The following CPED1 variants were observed in gnomAD, a reference collection of about 807,000 sequenced individuals.
CPED1 encodes cadherin like and PC-esterase domain containing 1, also known as cadherin-like and PC-esterase domain-containing protein 1.
A neutral mutation model predicts 128.2 loss-of-function variants in CPED1; 114 were observed. The observed-to-expected ratio is 0.89, with a 90% CI of 0.76 to 1.04. CPED1 has a LOEUF of 1.04. CPED1 is among the 50% of genes least tolerant of loss of function. The pLI, the probability that CPED1 is intolerant of heterozygous loss-of-function variation, is 0.00. For synonymous variants in CPED1, 462 were observed against 426.7 expected (o/e 1.08, Z -1.02); for missense variants, 1,211 against 1,207.1 (o/e 1.00, Z -0.05).
chr7:121,113,122 A>G (rs563791940), intron 7 of CPED1, among the ~76,000 whole-genome samples: 4 of 152,326 alleles, frequency 2.6e-5, no homozygotes, highest in South Asian at 2.1e-4. Flanking sequence ...TCTTGCATAT[A>G]TAAGTTTGTT....
chr7:121,027,919 T>A (rs1181729313), intron 3 of CPED1, among the ~76,000 whole-genome samples: 1 of 151,870 alleles, frequency 6.6e-6, no homozygotes, highest in Non-Finnish European at 1.5e-5. Context: ...CTTATCAGAG[T>A]CACTAAACAA....
intron 8 of CPED1, among the ~76,000 whole-genome samples, chr7:121,125,065 A>C (rs1795473136): frequency 6.6e-6 from 1 of 152,158 alleles, no homozygotes; most frequent in Non-Finnish European, 1.5e-5. Context: ...CTTCGTATTT[A>C]GGTTTCCATG....
rs149538208 is a variant in CPED1, at chr7:121,131,875, G to A, written c.1577+1581G>A. Among the ~76,000 whole-genome samples the A allele has an allele frequency of 3.5e-3, 536 of 151,556 alleles. 4 individuals carry two copies. The highest frequency in any genetic ancestry group is 0.01 in the Middle Eastern group (3 of 290). ...TTTGCTACATAGCATCTGATACGCTGTAGCACAGGTAGATAGTAAATATCA... is the reference window on the plus strand; with the variant it reads ...TTTGCTACATAGCATCTGATACGCTATAGCACAGGTAGATAGTAAATATCA... On this transcript the variant is annotated intron_variant, in intron 12 of 22. Transcript: ENST00000310396.
chr7:121,133,320 C>G (rs1406852808), intron 12 of CPED1, among the ~76,000 whole-genome samples: 1 of 151,998 alleles, frequency 6.6e-6, no homozygotes, highest in African/African-American at 2.4e-5. Flanking sequence ...GTGAACACAC[C>G]AGAATTTAAC....
At position 121,295,676 on chromosome 7, in the gene CPED1, T is replaced by C. The variant is rs771175167; in HGVS notation, c.*24T>C. The C allele has an allele frequency of 6.2e-7, 1 of 1,601,146 alleles. No homozygotes were observed. Among genetic ancestry groups the C allele is most frequent in the Non-Finnish European group, 8.6e-7 (1 of 1,169,148 alleles). ...AGGCTCCCTGCAGGAGAGCTGAATC[T>C]GGAGCTGGAGACGAGCTAGTCACCC... On this transcript the variant is annotated 3_prime_UTR_variant, in exon 23 of 23. Coordinates refer to ENST00000310396, the MANE Select transcript of CPED1 (RefSeq NM_024913.5).
chr7:121,283,512 G>C (rs1393106247), intron 22 of CPED1, among the ~76,000 whole-genome samples: 1 of 152,200 alleles, frequency 6.6e-6, no homozygotes, highest in African/African-American at 2.4e-5. Flanking sequence ...TCTATGTTTA[G>C]ATTTCTAGTC....
In CPED1 at chr7:121,295,505, C is replaced by G; in HGVS notation, c.2934C>G (p.Ile978Met). Reference protein sequence around the residue: ...FIKMKRSRNHIMGRYFSNQSK... With the variant: ...FIKMKRSRNHMMGRYFSNQSK... Reference sequence around the variant, plus strand: ...AAATGAAAAGATCAAGAAATCATATCATGGGAAGATATTTCAGCAATCAAA... The same window carrying G: ...AAATGAAAAGATCAAGAAATCATATGATGGGAAGATATTTCAGCAATCAAA... The change falls in exon 23 of 23, where the codon ATC becomes ATG. Residue 978 changes from isoleucine (I) to methionine (M), a missense_variant. Ile to Met is a conservative substitution (Grantham distance 10). Coordinates refer to ENST00000310396, the MANE Select transcript of CPED1 (RefSeq NM_024913.5). The G allele has an allele frequency of 1.2e-6, 2 of 1,613,938 alleles. No homozygotes were observed. Among genetic ancestry groups the G allele is most frequent in the Non-Finnish European group, 1.7e-6 (2 of 1,179,860 alleles).
intron 5 of CPED1, among the ~76,000 whole-genome samples, chr7:121,065,617 A>G (rs551068073): frequency 7.9e-5 from 12 of 152,272 alleles, no homozygotes; most frequent in Admixed American, 4.6e-4. Context: ...AATCATAGAA[A>G]TGAAAGGCTG....
At chr7:121,217,086 T>G (rs1358075568) in intron 16 of CPED1, among the ~76,000 whole-genome samples, 1 of 151,884 alleles carries the variant, frequency 6.6e-6, no homozygotes, top group Non-Finnish European at 1.5e-5. Flanking sequence ...TATTTTTATC[T>G]CCCTCTGCCA....
In CPED1 at chr7:120,989,783, T is replaced by C. The variant is rs1796280296; in HGVS notation, c.162T>C (p.Thr54=). 6.2e-7 allele frequency: 1 copy of C among 1,613,972 alleles called. No homozygotes were observed. Among genetic ancestry groups the C allele is most frequent in the Non-Finnish European group, 8.5e-7 (1 of 1,180,006 alleles). ...AAPGAVPHTS[T]ETQASRCKKG... ...CTGGGGCTGTCCCACACACATCCACTGAAACCCAGGCAAGCAGATGCAAGA... is the reference window on the plus strand; with the variant it reads ...CTGGGGCTGTCCCACACACATCCACCGAAACCCAGGCAAGCAGATGCAAGA... Residue 54 remains threonine (T), a synonymous_variant, in exon 2 of 23, where the codon ACT becomes ACC. Transcript: ENST00000310396.
In CPED1 at chr7:121,199,689, A is replaced by AG. The variant is rs1381619706; in HGVS notation, c.2056-37025_2056-37024insG. Among the ~76,000 whole-genome samples the AG allele has an allele frequency of 1.1e-3, 45 of 40,708 alleles. 1 individual carries two copies. The highest frequency in any genetic ancestry group is 3.3e-3 in the African/African-American group (40 of 12,118). The allele number at this position is 40,708 out of a possible 152,430, so 26.7% of individuals were successfully genotyped here. ...AGACTCCATCAAAAAAAAAAAAAAA[A>AG]AAAAAAAAAAAGAAAGAAAGAAAGA... On this transcript the variant is annotated intron_variant, in intron 16 of 22. Coordinates refer to ENST00000310396, the MANE Select transcript of CPED1 (RefSeq NM_024913.5).
At chr7:121,098,598 G>A (rs1267182304) in intron 6 of CPED1, among the ~76,000 whole-genome samples, 2 of 151,208 alleles carry the variant, frequency 1.3e-5, no homozygotes, top group African/African-American at 4.9e-5. Flanking sequence ...CAGGCACAGT[G>A]GTGCATGCCT....
intron 7 of CPED1, among the ~76,000 whole-genome samples, chr7:121,103,664 CAT>C (rs774075268): frequency 3.3e-5 from 5 of 151,928 alleles, no homozygotes; most frequent in African/African-American, 4.8e-5. Context: ...TTCCACAAAA[CAT>C]AATTTTGTGT....
At chr7:121,212,971 G>A (rs1797680198) in intron 16 of CPED1, among the ~76,000 whole-genome samples, 1 of 151,940 alleles carries the variant, frequency 6.6e-6, no homozygotes, top group South Asian at 2.1e-4. Flanking sequence ...TTTTTTCCGG[G>A]GGGGTGCAGG....
chr7:120,993,125 G>A (rs1384292431), intron 2 of CPED1, among the ~76,000 whole-genome samples: 1 of 152,152 alleles, frequency 6.6e-6, no homozygotes, highest in Non-Finnish European at 1.5e-5. Context: ...AATCTGCCAA[G>A]TCTTAAAATT....
chr7:121,100,778 T>C (rs1290411226), intron 7 of CPED1, among the ~76,000 whole-genome samples: 2 of 152,158 alleles, frequency 1.3e-5, no homozygotes, highest in Non-Finnish European at 2.9e-5. Context: ...AAAGAATGCA[T>C]AGGGTCCCTC....
In CPED1 at chr7:121,133,891, A is replaced by C; in HGVS notation, c.1646A>C (p.Lys549Thr). 6.5e-7 allele frequency: 1 copy of C among 1,549,946 alleles called. No homozygotes were observed. The highest frequency in any genetic ancestry group is 8.9e-7 in the Non-Finnish European group (1 of 1,129,850). ...CCATTTGATGCAATAGAAAATAAAA[A>C]AGGTAAAAATATAGATATTCCCACT... ...QVPFDAIENKKAAVPQIKNEN... is the reference protein window; with the variant it reads ...QVPFDAIENKTAAVPQIKNEN... The change falls in exon 13 of 23, where the codon AAA (lysine) becomes ACA (threonine). Residue 549 changes from lysine (K) to threonine (T), a missense_variant and splice_region_variant. Physicochemically the swap from Lys to Thr is moderately conservative, Grantham distance 78. Coordinates refer to ENST00000310396, the MANE Select transcript of CPED1 (RefSeq NM_024913.5).
At chr7:121,031,007 G>C (rs1002053388) in intron 3 of CPED1, among the ~76,000 whole-genome samples, 28 of 152,330 alleles carry the variant, frequency 1.8e-4, no homozygotes, top group African/African-American at 6.7e-4. Context: ...AAATGGTGGA[G>C]TTGACGCTTG....
chr7:121,252,405 C>T (rs36149167), intron 18 of CPED1, among the ~76,000 whole-genome samples: 2 of 150,678 alleles, frequency 1.3e-5, no homozygotes, highest in Non-Finnish European at 3.0e-5. Flanking sequence ...ACATAGACAT[C>T]GGCAAGGACT....
Sources: allele counts gnomAD v4.1 joint callset (sites outside exome capture counted in the v4.1 genomes callset), GRCh38; gene constraint gnomAD v4.1.1; transcripts MANE v1.5; gene names NCBI Gene and HGNC (gene_info 2026-07-23, HGNC 2026-07-21).